The following FAM163A variants were observed in gnomAD, a reference collection of about 807,000 sequenced individuals.
FAM163A encodes protein FAM163A.
A neutral mutation model predicts 12.0 loss-of-function variants in FAM163A; 7 were observed. The observed-to-expected ratio is 0.58, with a 90% CI of 0.33 to 1.10. FAM163A has a LOEUF of 1.10. FAM163A is among the 50% of genes least tolerant of loss of function. The probability of loss-of-function intolerance (pLI) is 0.03; values close to 1 mark genes in which losing one functional copy is unlikely to be tolerated. For synonymous variants in FAM163A, 101 were observed against 91.0 expected (o/e 1.11, Z -0.62); for missense variants, 202 against 218.6 (o/e 0.92, Z 0.48).
intron 1 of FAM163A, among the ~76,000 whole-genome samples, chr1:179,757,628 A>G (rs567799181): frequency 6.6e-6 from 1 of 152,142 alleles, no homozygotes; most frequent in Non-Finnish European, 1.5e-5. Flanking sequence ...ACTGGCCAAC[A>G]TGGTGAAACT....
rs942916273 is a variant in FAM163A, at chr1:179,814,248, G to T, written c.*59G>T. The T allele has an allele frequency of 1.3e-6, 2 of 1,526,980 alleles. No individual in the cohort carries two copies. The highest frequency in any genetic ancestry group is 1.4e-5 in the African/African-American group (1 of 72,216). The allele number at this position is 1,526,980 out of a possible 1,614,324, so 94.6% of individuals were successfully genotyped here. On this transcript the variant is annotated 3_prime_UTR_variant, in exon 5 of 5. Transcript: ENST00000341785. ...CTGCTGCCCTGGCGGGGGCCATGGG[G>T]GTGATGAATGACCCTCCAACAGCCC...
intron 1 of FAM163A, among the ~76,000 whole-genome samples, chr1:179,803,067 A>C (rs1693412306): frequency 6.6e-6 from 1 of 151,976 alleles, no homozygotes; most frequent in Non-Finnish European, 1.5e-5. Context: ...GCATATATAC[A>C]ATCAAAGTAA....
intron 1 of FAM163A, among the ~76,000 whole-genome samples, chr1:179,781,054 C>T (rs755166763): frequency 6.6e-6 from 1 of 151,928 alleles, no homozygotes; most frequent in East Asian, 1.9e-4. Flanking sequence ...ACCGTAGAGA[C>T]GAGGGGAGAA....
the FAM163A span, among the ~76,000 whole-genome samples, chr1:179,729,753 C>T: frequency 2.0e-4 from 30 of 152,312 alleles, 1 homozygote; most frequent in South Asian, 5.4e-3. Flanking sequence ...CTAGAAATAC[C>T]ACAGCGAAGT....
At chr1:179,759,061 C>T (rs7522085) in intron 1 of FAM163A, among the ~76,000 whole-genome samples, 144 of 152,370 alleles carry the variant, frequency 9.5e-4, no homozygotes, top group African/African-American at 3.3e-3. Flanking sequence ...AACAAGTGTT[C>T]ACCTGCCTTT....
intron 1 of FAM163A, among the ~76,000 whole-genome samples, chr1:179,770,007 A>G (rs1571396566): frequency 7.1e-6 from 1 of 140,910 alleles, no homozygotes; most frequent in African/African-American, 2.7e-5. Flanking sequence ...CCAGGTTCAC[A>G]CCGTTCTCCT....
At chr1:179,792,039 A>C (rs979287056) in intron 1 of FAM163A, among the ~76,000 whole-genome samples, 2 of 152,178 alleles carry the variant, frequency 1.3e-5, no homozygotes, top group African/African-American at 4.8e-5. Flanking sequence ...ACTCATGGAG[A>C]CCAGGCTCCA....
chr1:179,759,924 C>T (rs1445371776), intron 1 of FAM163A, among the ~76,000 whole-genome samples: 1 of 152,202 alleles, frequency 6.6e-6, no homozygotes, highest in Non-Finnish European at 1.5e-5. Context: ...GCCTTGGCCT[C>T]CCAAAGTGCT....
At chr1:179,765,893 G>A (rs1165139293) in intron 1 of FAM163A, among the ~76,000 whole-genome samples, 1 of 151,990 alleles carries the variant, frequency 6.6e-6, no homozygotes, top group Non-Finnish European at 1.5e-5. Context: ...CCCAAAGCTG[G>A]GCCTCCAGGC....
At chr1:179,798,187 G>A (rs1692637111) in intron 1 of FAM163A, among the ~76,000 whole-genome samples, 1 of 151,916 alleles carries the variant, frequency 6.6e-6, no homozygotes, top group Non-Finnish European at 1.5e-5. Flanking sequence ...CTGAGATCAC[G>A]CCACTGTACT....
intron 2 of FAM163A, among the ~76,000 whole-genome samples, chr1:179,808,533 T>C (rs912429867): frequency 1.3e-5 from 2 of 152,356 alleles, no homozygotes; most frequent in Admixed American, 6.5e-5. Flanking sequence ...CAGCCAGGAA[T>C]TGGCCAGAGG....
At chr1:179,785,767 G>C (rs564072430) in intron 1 of FAM163A, among the ~76,000 whole-genome samples, 1 of 152,258 alleles carries the variant, frequency 6.6e-6, no homozygotes, top group Admixed American at 6.5e-5. Context: ...TTTAAAGAGT[G>C]TCATTTACTA....
intron 2 of FAM163A, among the ~76,000 whole-genome samples, chr1:179,810,871 C>T (rs929771986): frequency 7.2e-5 from 11 of 152,024 alleles, no homozygotes; most frequent in African/African-American, 2.2e-4. Context: ...GGTGAAGCCC[C>T]GTTTCTACTG....
intron 1 of FAM163A, among the ~76,000 whole-genome samples, chr1:179,794,864 G>A (rs1692045872): frequency 6.6e-6 from 1 of 152,128 alleles, no homozygotes; most frequent in East Asian, 1.9e-4. Flanking sequence ...AAGGGAGGAA[G>A]GGCATGAAGA....
At chr1:179,765,156 G>A (rs1234273485) in intron 1 of FAM163A, among the ~76,000 whole-genome samples, 1 of 152,172 alleles carries the variant, frequency 6.6e-6, no homozygotes, top group Non-Finnish European at 1.5e-5. Flanking sequence ...GTGGAGGCTG[G>A]TTTGCTCTGT....
At chr1:179,764,522 T>C (rs906183704) in intron 1 of FAM163A, among the ~76,000 whole-genome samples, 1 of 152,198 alleles carries the variant, frequency 6.6e-6, no homozygotes, top group African/African-American at 2.4e-5. Context: ...TTTCCTTCTG[T>C]TACCCTTCCA....
intron 1 of FAM163A, among the ~76,000 whole-genome samples, chr1:179,801,163 A>G (rs1693120243): frequency 6.6e-6 from 1 of 152,096 alleles, no homozygotes; most frequent in East Asian, 1.9e-4. Flanking sequence ...GAAAAATATC[A>G]CTCACATTGA....
chr1:179,798,386 C>T (rs915510868), intron 1 of FAM163A, among the ~76,000 whole-genome samples: 11 of 152,196 alleles, frequency 7.2e-5, no homozygotes, highest in Non-Finnish European at 1.5e-4. Flanking sequence ...GGGCTTGCCC[C>T]GTGGGGTTCC....
rs548994111 is a variant in FAM163A at position 179,789,464 on chromosome 1, G to A, written c.-135-18334G>A. On this transcript the variant is annotated intron_variant, in intron 1 of 4. Coordinates refer to ENST00000341785, the MANE Select transcript of FAM163A (RefSeq NM_173509.3). ...CCCAAAGTGCCGGGATTACAGGCGT[G>A]AGCCACCGCCCCCGGCAGGGATCAG... 1.7e-3 allele frequency among the ~76,000 whole-genome samples: 265 copies of A among 152,344 alleles called. 1 individual carries two copies. The highest frequency in any genetic ancestry group is 4.1e-3 in the Admixed American group (62 of 15,298).
Sources: gnomAD v4.1 joint callset for allele counts (sites outside exome capture counted in the v4.1 genomes callset) on GRCh38, gnomAD v4.1.1 for gene constraint, MANE v1.5 for transcripts, NCBI Gene and HGNC (gene_info 2026-07-23, HGNC 2026-07-21) for gene names.